Variants in MCC observed in about 807,000 individuals in gnomAD.
MCC encodes the protein colorectal mutant cancer protein.
Under a neutral mutation model 116.2 loss-of-function variants are expected in MCC, and 90 were observed. That is an observed-to-expected ratio of 0.77 (90% CI 0.65 to 0.92). The LOEUF is 0.92. MCC is among the 40% of genes least tolerant of loss of function. MCC has a pLI of 0.00. For synonymous variants in MCC, 578 were observed against 510.5 expected, an observed-to-expected ratio of 1.13 and a Z score of -1.78; for missense variants, 1,516 against 1,312.2, an observed-to-expected ratio of 1.16 and a Z score of -2.40.
At chr5:113,037,464 G>A (rs1049223203) in intron 17 of MCC, among the ~76,000 whole-genome samples, 9 of 152,178 alleles carry the variant, frequency 5.9e-5, no homozygotes, top group African/African-American at 1.9e-4. Context: ...AGGTTGAGGC[G>A]GGCGGATCAG....
chr5:113,441,578 G>A (rs1771043652), intron 1 of MCC, among the ~76,000 whole-genome samples: 1 of 152,064 alleles, frequency 6.6e-6, no homozygotes, highest in Admixed American at 6.6e-5. Context: ...AAGTATACCT[G>A]TGCCATGGTG....
chr5:113,376,171 A>G (rs1768975710), intron 2 of MCC, among the ~76,000 whole-genome samples: 1 of 152,216 alleles, frequency 6.6e-6, no homozygotes. Flanking sequence ...ATCCAAGCAC[A>G]CATTTCTTAT....
At chr5:113,153,493 G>A (rs1760003317) in intron 3 of MCC, among the ~76,000 whole-genome samples, 1 of 152,178 alleles carries the variant, frequency 6.6e-6, no homozygotes, top group South Asian at 2.1e-4. Context: ...AATACCTTCT[G>A]GCCTACCAGC....
intron 1 of MCC, among the ~76,000 whole-genome samples, chr5:113,405,997 C>T (rs1009822790): frequency 1.3e-5 from 2 of 152,060 alleles, no homozygotes; most frequent in South Asian, 4.2e-4. Context: ...TACTCCATCC[C>T]CCTTCTAAAT....
intron 16 of MCC, chr5:113,044,533 A>C: frequency 1.0e-6 from 1 of 962,510 alleles, no homozygotes; most frequent in Non-Finnish European, 1.2e-6. Context: ...TGAGAATAAA[A>C]AGCTTGTGAT....
chr5:113,341,572 C>A (rs1768012796), intron 2 of MCC, among the ~76,000 whole-genome samples: 1 of 152,186 alleles, frequency 6.6e-6, no homozygotes, highest in African/African-American at 2.4e-5. Flanking sequence ...AAGCTGAGTT[C>A]TGGGCAATAG....
At chr5:113,330,641 A>G (rs1767676762) in intron 3 of MCC, among the ~76,000 whole-genome samples, 2 of 152,226 alleles carry the variant, frequency 1.3e-5, no homozygotes, top group African/African-American at 2.4e-5. Context: ...TGGCATTTGT[A>G]TTCTGTGACG....
chr5:113,201,873 G>A (rs1296926948), intron 3 of MCC, among the ~76,000 whole-genome samples: 1 of 152,134 alleles, frequency 6.6e-6, no homozygotes, highest in Non-Finnish European at 1.5e-5. Context: ...CAGGAATGAA[G>A]TGGTTTCCTG....
At chr5:113,197,269 T>A (rs1024029126) in intron 3 of MCC, among the ~76,000 whole-genome samples, 6 of 151,972 alleles carry the variant, frequency 3.9e-5, no homozygotes, top group Non-Finnish European at 8.8e-5. Context: ...GACCCCCAAT[T>A]TTTTTTTAAG....
At chr5:113,302,520 T>C (rs1355740776) in intron 3 of MCC, among the ~76,000 whole-genome samples, 1 of 152,220 alleles carries the variant, frequency 6.6e-6, no homozygotes, top group African/African-American at 2.4e-5. Flanking sequence ...GGATATTTCA[T>C]GATGTTAAGA....
chr5:113,235,411 A>G (rs1049249603), intron 3 of MCC, among the ~76,000 whole-genome samples: 2 of 152,214 alleles, frequency 1.3e-5, no homozygotes, highest in Admixed American at 1.3e-4. Context: ...TGATTAGACT[A>G]TGTTAGTGCA....
chr5:113,071,999 T>G (rs1489172380), intron 11 of MCC, among the ~76,000 whole-genome samples: 1 of 152,212 alleles, frequency 6.6e-6, no homozygotes, highest in Non-Finnish European at 1.5e-5. Context: ...AACTGTAGAT[T>G]CAGGGCAAAT....
chr5:113,101,254 C>T (rs1173686910), intron 8 of MCC, among the ~76,000 whole-genome samples: 1 of 151,862 alleles, frequency 6.6e-6, no homozygotes, highest in Admixed American at 6.6e-5. Context: ...CAAGATATGG[C>T]TATTTTAACT....
chr5:113,180,922 G>C (rs765545297), intron 3 of MCC, among the ~76,000 whole-genome samples: 2 of 152,028 alleles, frequency 1.3e-5, no homozygotes, highest in African/African-American at 2.4e-5. Context: ...ACCCTACTTT[G>C]AAAGTCATCA....
At chr5:113,401,882 C>A (rs1443919393) in intron 1 of MCC, among the ~76,000 whole-genome samples, 1 of 151,730 alleles carries the variant, frequency 6.6e-6, no homozygotes, top group Non-Finnish European at 1.5e-5. Flanking sequence ...CAGGGTCTTC[C>A]TCTGTCACCC....
At chr5:113,339,305 T>TC (rs1459031768) in intron 3 of MCC, among the ~76,000 whole-genome samples, 3 of 152,238 alleles carry the variant, frequency 2.0e-5, no homozygotes, top group Admixed American at 2.0e-4. Flanking sequence ...AAATAGTTTT[T>TC]CCTACTTATT....
chr5:113,057,366 G>A (rs1178557320), intron 14 of MCC, among the ~76,000 whole-genome samples: 3 of 152,138 alleles, frequency 2.0e-5, no homozygotes, highest in African/African-American at 7.2e-5. Context: ...AGAGGCAGGG[G>A]TGCACCTTGG....
intron 8 of MCC, among the ~76,000 whole-genome samples, chr5:113,087,388 A>G (rs1212389555): frequency 1.3e-5 from 2 of 152,180 alleles, no homozygotes; most frequent in Non-Finnish European, 2.9e-5. Context: ...GCTAAACTCA[A>G]AATAGCCTAA....
intron 1 of MCC, among the ~76,000 whole-genome samples, chr5:113,457,551 G>A (rs968617181): frequency 1.3e-5 from 2 of 152,174 alleles, no homozygotes; most frequent in African/African-American, 4.8e-5. Context: ...GGGACTGGCA[G>A]GCAGCTCCAC....
Sources: allele counts gnomAD v4.1 joint callset (sites outside exome capture counted in the v4.1 genomes callset), GRCh38; gene constraint gnomAD v4.1.1; transcripts MANE v1.5; gene names NCBI Gene and HGNC (gene_info 2026-07-23, HGNC 2026-07-21).